The following CEP85 variants were observed in gnomAD, a reference collection of about 807,000 sequenced individuals.
The protein encoded by CEP85 is centrosomal protein 85.
A neutral mutation model predicts 93.7 loss-of-function variants in CEP85; 58 were observed. The observed-to-expected ratio is 0.62, with a 90% confidence interval of 0.50 to 0.77. The LOEUF (loss-of-function observed/expected upper bound fraction) is 0.77. Among genes scored for constraint, CEP85 ranks in the 30% least tolerant of loss-of-function variants. CEP85 has a pLI of 0.00. For synonymous variants in CEP85, 314 were observed against 338.6 expected, an observed-to-expected ratio of 0.93 and a Z score of 0.80; for missense variants, 868 against 922.0, an observed-to-expected ratio of 0.94 and a Z score of 0.76.
Position 26,269,451 on chromosome 1 carries a change from G to A in CEP85, c.1495-9G>A. ...TTATTTGACCTAAACATGGGATCCT[G>A]TCTCTCAGCTTAAGGATTCTGAGTT... is the stretch of plus-strand genomic sequence containing the variant. On this transcript the variant is annotated splice_polypyrimidine_tract_variant and intron_variant, in intron 8 of 13. Transcript: ENST00000451429. 6.2e-7 allele frequency: 1 copy of A among 1,613,102 alleles called. No homozygotes were observed. Among genetic ancestry groups the A allele is most frequent in the Non-Finnish European group, 8.5e-7 (1 of 1,179,256 alleles).
intron 1 of CEP85, among the ~76,000 whole-genome samples, chr1:26,237,736 A>G (rs1449014233): frequency 6.6e-6 from 1 of 152,130 alleles, no homozygotes; most frequent in Non-Finnish European, 1.5e-5. Flanking sequence ...TCATAGGGTA[A>G]CTCGGAGTTC....
intron 5 of CEP85, 119 bp downstream of exon 5, chr1:26,257,849 C>T (rs959507274): frequency 8.8e-7 from 1 of 1,140,804 alleles, no homozygotes; most frequent in East Asian, 2.4e-5. Flanking sequence ...TGTCTTGCCT[C>T]ATGGTGGAGG....
intron 7 of CEP85, among the ~76,000 whole-genome samples, chr1:26,262,306 C>CA (rs202180103): frequency 0.18 from 26,527 of 149,590 alleles, 2,473 homozygotes; most frequent in African/African-American, 0.22. Context: ...GACTCTGTCT[C>CA]AAAAAAAAAC....
chr1:26,251,556 C>T (rs890659227), intron 3 of CEP85, among the ~76,000 whole-genome samples: 1 of 152,114 alleles, frequency 6.6e-6, no homozygotes, highest in Non-Finnish European at 1.5e-5. Flanking sequence ...CGGCCCCAAG[C>T]TTGCTTTTAT....
In CEP85 at chr1:26,268,586, A is replaced by C; in HGVS notation, c.1445A>C (p.Tyr482Ser). The change falls in exon 8 of 14, where the codon TAC becomes TCC. Residue 482 changes from tyrosine (Y) to serine (S), a missense_variant. Coordinates refer to ENST00000451429, the MANE Select transcript of CEP85 (RefSeq NM_001319944.2). ...CAGCGTATTGAGACCTTGGAGCGCT[A>C]CCTGGCTGACCTGCCCACACTGGAA... ...KQQRIETLERYLADLPTLEDH... is the reference protein window; with the variant it reads ...KQQRIETLERSLADLPTLEDH... 1 of 1,613,904 alleles carries C rather than the reference A, an allele frequency of 6.2e-7. No individual in the cohort carries two copies. The highest frequency in any genetic ancestry group is 8.5e-7 in the Non-Finnish European group (1 of 1,179,890).
intron 12 of CEP85, among the ~76,000 whole-genome samples, chr1:26,275,867 G>A (rs530045927): frequency 1.8e-4 from 28 of 152,280 alleles, no homozygotes; most frequent in African/African-American, 6.5e-4. Flanking sequence ...AGGAAGGGAA[G>A]GAAAGTGGAT....
intron 3 of CEP85, among the ~76,000 whole-genome samples, chr1:26,252,637 C>T (rs1008171655): frequency 2.0e-5 from 3 of 152,194 alleles, no homozygotes; most frequent in African/African-American, 7.2e-5. Context: ...AGTTGTGAGA[C>T]ATCAGAAACT....
rs1426326223 is a variant in CEP85, at chr1:26,255,240, A to G, written c.278A>G (p.His93Arg). The G allele has an allele frequency of 6.2e-7, 1 of 1,614,114 alleles. No homozygotes were observed. The highest frequency in any genetic ancestry group is 1.1e-5 in the South Asian group (1 of 91,078). Residue 93 changes from histidine to arginine, a missense_variant, in exon 4 of 14, where the codon CAT (histidine) becomes CGT (arginine). His to Arg is a conservative substitution (Grantham distance 29). Coordinates refer to ENST00000451429, the MANE Select transcript of CEP85 (RefSeq NM_001319944.2). ...AGCCACGTAACCATTCCAACAGCCC[A>G]TGTGATGCCTTCTACTTTAGGGACC... ...IKSHVTIPTA[H>R]VMPSTLGTSP...
At chr1:26,267,330 G>A (rs765899321) in intron 7 of CEP85, among the ~76,000 whole-genome samples, 7 of 151,102 alleles carry the variant, frequency 4.6e-5, no homozygotes, top group African/African-American at 7.3e-5. Context: ...TTGGGAGGCC[G>A]AGGCAGGTGG....
intron 10 of CEP85, chr1:26,271,574 C>G (rs2089976514): frequency 5.8e-6 from 1 of 173,416 alleles, no homozygotes; most frequent in Non-Finnish European, 1.2e-5. Flanking sequence ...GAAACCAGGC[C>G]TATTTAGGGT....
intron 13 of CEP85, 56 bp from the exon 14 acceptor site, chr1:26,277,080 C>A (rs986408077): frequency 2.2e-5 from 35 of 1,563,796 alleles, no homozygotes; most frequent in Non-Finnish European, 1.2e-5. Context: ...ACTGCACCCT[C>A]CACATGAAAA....
At chr1:26,240,987 A>G (rs1268331748) in intron 2 of CEP85, among the ~76,000 whole-genome samples, 2 of 152,168 alleles carry the variant, frequency 1.3e-5, no homozygotes, top group Non-Finnish European at 2.9e-5. Context: ...CTGTGCAGGC[A>G]TATTAAGTAG....
intron 7 of CEP85, among the ~76,000 whole-genome samples, chr1:26,260,263 G>A (rs1489076900): frequency 6.6e-6 from 1 of 152,164 alleles, no homozygotes; most frequent in African/African-American, 2.4e-5. Flanking sequence ...GGCTGAAACG[G>A]GTGGATCACC....
intron 9 of CEP85, 29 bp from the exon 10 acceptor site, chr1:26,270,985 G>A: frequency 2.1e-6 from 3 of 1,397,516 alleles, no homozygotes; most frequent in Non-Finnish European, 3.0e-6. Context: ...TCTAACTTCA[G>A]AGTTCTTGAA....
At chr1:26,254,181 A>G (rs2089660815) in intron 3 of CEP85, among the ~76,000 whole-genome samples, 1 of 152,130 alleles carries the variant, frequency 6.6e-6, no homozygotes, top group African/African-American at 2.4e-5. Context: ...AGTACTGAAT[A>G]TAGTTGAAAA....
rs183424623 is a variant in CEP85, at chr1:26,251,321, G to A, written c.209-3850G>A. Among the ~76,000 whole-genome samples the A allele has an allele frequency of 2.2e-3, 309 of 143,390 alleles. 2 individuals carry two copies. The highest frequency in any genetic ancestry group is 7.4e-3 in the African/African-American group (285 of 38,334). The allele number at this position is 143,390 out of a possible 152,430, so 94.1% of individuals were successfully genotyped here. On this transcript the variant is annotated intron_variant, in intron 3 of 13. Coordinates refer to ENST00000451429, the MANE Select transcript of CEP85 (RefSeq NM_001319944.2). ...GGCTGGAGTGCAATGGTGCAATCTC[G>A]GCTCACTGCAACGTCTGCCTCCCGG...
intron 2 of CEP85, among the ~76,000 whole-genome samples, 198 bp from the exon 3 acceptor site, chr1:26,243,968 G>A (rs1475951888): frequency 6.9e-6 from 1 of 145,644 alleles, no homozygotes; most frequent in Non-Finnish European, 1.5e-5. Flanking sequence ...ACTCAAGCCT[G>A]GGTGACAGAG....
rs948245554 is a variant in CEP85 at position 26,277,237 on chromosome 1, A to G, written c.2230A>G (p.Thr744Ala). The change falls in exon 14 of 14, where the codon ACC (threonine) becomes GCC (alanine). Residue 744 changes from threonine (T) to alanine (A), a missense_variant. Physicochemically the swap from Thr to Ala is moderately conservative, Grantham distance 58. Coordinates refer to ENST00000451429, the MANE Select transcript of CEP85 (RefSeq NM_001319944.2). ...GCGTCGTGACATTGAGGACTTAAGGACCACCATGTCAGACAGATATGCCCA... is the reference window on the plus strand; with the variant it reads ...GCGTCGTGACATTGAGGACTTAAGGGCCACCATGTCAGACAGATATGCCCA... Reference protein sequence around the residue: ...QLRRDIEDLRTTMSDRYAQDM... With the variant: ...QLRRDIEDLRATMSDRYAQDM... 2 of 1,614,054 alleles carry G rather than the reference A, an allele frequency of 1.2e-6. No homozygotes were observed. The highest frequency in any genetic ancestry group is 1.6e-4 in the Middle Eastern group (1 of 6,084).
At position 26,250,925 on chromosome 1, in the gene CEP85, C is replaced by CTTT. The variant is rs71581048; in HGVS notation, c.209-4242_209-4240dup. Among the ~76,000 whole-genome samples, 276 of 55,120 alleles carry CTTT rather than the reference C, an allele frequency of 5.0e-3. 42 individuals carry two copies. The highest frequency in any genetic ancestry group is 0.023 in the East Asian group (40 of 1,710). The allele number at this position is 55,120 out of a possible 152,430, so 36.2% of individuals were successfully genotyped here. A position where few individuals can be genotyped will look rare whatever the true frequency, so the allele number is the denominator to read the frequency against. On this transcript the variant is annotated intron_variant, in intron 3 of 13. Coordinates refer to ENST00000451429, the MANE Select transcript of CEP85 (RefSeq NM_001319944.2). ...TGAGCCAAGCTTGCCTTTTTTTTTT[C>CTTT]TTTTTTCTTTTTTTTTTTTTTTTTT... is the stretch of plus-strand genomic sequence containing the variant.
Sources: gnomAD v4.1 joint callset for allele counts (sites outside exome capture counted in the v4.1 genomes callset) on GRCh38, gnomAD v4.1.1 for gene constraint, MANE v1.5 for transcripts, NCBI Gene and HGNC (gene_info 2026-07-23, HGNC 2026-07-21) for gene names.